PRKCA: variants seen among roughly 807,000 people sequenced by gnomAD.
PRKCA encodes protein kinase C alpha type.
Under a neutral mutation model 87.0 loss-of-function variants are expected in PRKCA, and 27 were observed. The observed-to-expected ratio is 0.31, with a 90% CI of 0.23 to 0.43. The LOEUF (loss-of-function observed/expected upper bound fraction) is 0.43, where lower values mean the gene tolerates loss of function less well. PRKCA is among the 20% of genes least tolerant of loss of function. The probability of loss-of-function intolerance (pLI) is 1.00; values close to 1 mark genes in which losing one functional copy is unlikely to be tolerated. For missense variants in PRKCA, 518 were observed against 852.3 expected (o/e 0.61, Z 4.88); for synonymous variants, 329 against 311.1 (o/e 1.06, Z -0.61).
intron 3 of PRKCA, among the ~76,000 whole-genome samples, chr17:66,582,094 C>G (rs1444053062): frequency 6.6e-6 from 1 of 152,170 alleles, no homozygotes; most frequent in Non-Finnish European, 1.5e-5. Flanking sequence ...TTGAATATCA[C>G]TCTTTGTCAT....
chr17:66,777,365 C>G, intron 14 of PRKCA: 1 of 985,316 alleles, frequency 1.0e-6, no homozygotes, highest in Non-Finnish European at 1.2e-6. Flanking sequence ...ATCATTATTT[C>G]TCAATGGTGT....
chr17:66,435,496 G>A (rs1053767915), intron 2 of PRKCA, among the ~76,000 whole-genome samples: 4 of 152,252 alleles, frequency 2.6e-5, no homozygotes, highest in South Asian at 4.1e-4. Flanking sequence ...CACAGATGCC[G>A]CCTACAAAAG....
intron 2 of PRKCA, among the ~76,000 whole-genome samples, chr17:66,476,125 C>T (rs1057085139): frequency 2.0e-5 from 3 of 152,230 alleles, no homozygotes; most frequent in African/African-American, 7.2e-5. Context: ...GTCTTGAACT[C>T]CTGACCTCAA....
intron 3 of PRKCA, among the ~76,000 whole-genome samples, chr17:66,515,271 C>CA (rs71367172): frequency 0.015 from 1,449 of 96,344 alleles, 44 homozygotes; most frequent in Admixed American, 0.067. Context: ...GACTCTGTCT[C>CA]AAAAAAAAAA....
intron 3 of PRKCA, among the ~76,000 whole-genome samples, chr17:66,611,830 A>G (rs1478112285): frequency 6.6e-6 from 1 of 152,198 alleles, no homozygotes; most frequent in Non-Finnish European, 1.5e-5. Flanking sequence ...GCCAACATTC[A>G]TAGTTACAGA....
At chr17:66,609,817 C>T (rs879928492) in intron 3 of PRKCA, among the ~76,000 whole-genome samples, 2 of 151,744 alleles carry the variant, frequency 1.3e-5, no homozygotes, top group Non-Finnish European at 2.9e-5. Context: ...TCAGTGAAAA[C>T]AAGAATTTGT....
chr17:66,736,284 C>CT (rs148439214), intron 10 of PRKCA, among the ~76,000 whole-genome samples: 32,170 of 143,974 alleles, frequency 0.22, 3,916 homozygotes, highest in Middle Eastern at 0.34. Flanking sequence ...ACAGTCTTGG[C>CT]TTTTTTTTTT....
At chr17:66,702,962 A>G (rs1162419847) in intron 8 of PRKCA, among the ~76,000 whole-genome samples, 1 of 152,192 alleles carries the variant, frequency 6.6e-6, no homozygotes, top group African/African-American at 2.4e-5. Context: ...ATAAAAGAAA[A>G]AAAGTGGTAC....
intron 2 of PRKCA, among the ~76,000 whole-genome samples, chr17:66,358,608 T>C (rs924921278): frequency 6.6e-6 from 1 of 152,158 alleles, no homozygotes; most frequent in African/African-American, 2.4e-5. Context: ...AATGTAATAA[T>C]GTGTGGAACT....
chr17:66,585,331 A>G (rs1969560819), intron 3 of PRKCA, among the ~76,000 whole-genome samples: 1 of 152,174 alleles, frequency 6.6e-6, no homozygotes, highest in African/African-American at 2.4e-5. Context: ...TCCTATCCGC[A>G]GAGCTGCCGG....
chr17:66,559,514 A>G (rs940082078), intron 3 of PRKCA, among the ~76,000 whole-genome samples: 2 of 133,934 alleles, frequency 1.5e-5, no homozygotes, highest in African/African-American at 2.8e-5. Flanking sequence ...AAAGCTCTCC[A>G]GTACCCTCAT....
chr17:66,685,065 C>T (rs533198815), intron 5 of PRKCA, among the ~76,000 whole-genome samples: 2 of 152,252 alleles, frequency 1.3e-5, no homozygotes, highest in South Asian at 2.1e-4. Context: ...GTGACCAAGT[C>T]CCCTGGGGGC....
At chr17:66,642,294 TA>T (rs1034545767) in intron 4 of PRKCA, among the ~76,000 whole-genome samples, 3 of 152,096 alleles carry the variant, frequency 2.0e-5, no homozygotes, top group Non-Finnish European at 4.4e-5. Context: ...CACACCCAGC[TA>T]ATTTTTTGTA....
chr17:66,449,986 G>A (rs1914227270), intron 2 of PRKCA, among the ~76,000 whole-genome samples: 1 of 152,016 alleles, frequency 6.6e-6, no homozygotes, highest in Non-Finnish European at 1.5e-5. Context: ...TTTCAAGGAG[G>A]TATACCTTGG....
At chr17:66,714,132 G>A (rs1256986308) in intron 8 of PRKCA, among the ~76,000 whole-genome samples, 2 of 152,094 alleles carry the variant, frequency 1.3e-5, no homozygotes, top group Admixed American at 6.5e-5. Flanking sequence ...TATCTCGTGC[G>A]GTGGTGAAGT....
rs77372922 is a variant in PRKCA at position 66,790,756 on chromosome 17, C to G, written c.1854+1777C>G. Reference sequence around the variant, plus strand: ...AAAACATGTCTTTTTCTATTTATTGCCACGTTATGGCAGAAGAGAGTGTTT... The same window carrying G: ...AAAACATGTCTTTTTCTATTTATTGGCACGTTATGGCAGAAGAGAGTGTTT... On this transcript the variant is annotated intron_variant, in intron 16 of 16. Transcript: ENST00000413366. Among the ~76,000 whole-genome samples the G allele has an allele frequency of 3.1e-3, 468 of 152,206 alleles. 6 individuals are homozygous for G. Among genetic ancestry groups the G allele is most frequent in the African/African-American group, 0.011 (457 of 41,524 alleles).
At chr17:66,741,296 C>T (rs1974153870) in intron 11 of PRKCA, among the ~76,000 whole-genome samples, 1 of 152,110 alleles carries the variant, frequency 6.6e-6, no homozygotes. Flanking sequence ...TGTATTCTGC[C>T]AGTGAATAGG....
At chr17:66,697,292 G>T (rs1258451449) in intron 8 of PRKCA, among the ~76,000 whole-genome samples, 2 of 152,210 alleles carry the variant, frequency 1.3e-5, no homozygotes, top group Non-Finnish European at 1.5e-5. Context: ...CAGCACAGTG[G>T]TGGAATAGGA....
chr17:66,634,794 GTTAATAC>G (rs1971110452), intron 3 of PRKCA, among the ~76,000 whole-genome samples: 1 of 152,170 alleles, frequency 6.6e-6, no homozygotes, highest in African/African-American at 2.4e-5. Flanking sequence ...CAGAGATAAA[GTTAATAC>G]TTAATCCTCA....
Sources: gnomAD v4.1 joint callset for allele counts (sites outside exome capture counted in the v4.1 genomes callset) on GRCh38, gnomAD v4.1.1 for gene constraint, MANE v1.5 for transcripts, NCBI Gene and HGNC (gene_info 2026-07-23, HGNC 2026-07-21) for gene names.